The following RAB11A variants were observed in gnomAD, a reference collection of about 807,000 sequenced individuals.
RAB11A encodes the protein RAB11A, member RAS oncogene family.
Under a neutral mutation model 28.0 loss-of-function variants are expected in RAB11A, and 9 were observed. That is an observed-to-expected ratio of 0.32 (90% CI 0.19 to 0.56). The LOEUF (loss-of-function observed/expected upper bound fraction) is 0.56, where lower values mean the gene tolerates loss of function less well. RAB11A is among the 20% of genes least tolerant of loss of function. RAB11A has a pLI of 0.91. For synonymous variants in RAB11A, 85 were observed against 88.2 expected, an observed-to-expected ratio of 0.96 and a Z score of 0.20; for missense variants, 108 against 269.6, an observed-to-expected ratio of 0.40 and a Z score of 4.20.
Position 65,889,519 on chromosome 15 carries a change from G to A in RAB11A, c.*1679G>A, listed in dbSNP as rs1460756567. ...TTGGGTGCAGCCGTGGAATCCTGAT[G>A]TAAAAGCATAGGTTCTTGCATTACT... On this transcript the variant is annotated 3_prime_UTR_variant, in exon 5 of 5. Coordinates refer to ENST00000261890, the MANE Select transcript of RAB11A (RefSeq NM_004663.5). 2 of 152,122 alleles carry A rather than the reference G, an allele frequency of 1.3e-5. No individual in the cohort carries two copies. The highest frequency in any genetic ancestry group is 2.1e-4 in the South Asian group (1 of 4,828). 9.4% of individuals were successfully genotyped at this position (152,122 alleles called of 1,614,324 possible).
At position 65,889,144 on chromosome 15, in the gene RAB11A, A is replaced by G. The variant is rs566841592; in HGVS notation, c.*1304A>G. The G allele has an allele frequency of 1.3e-5, 2 of 152,780 alleles. No homozygotes were observed. The highest frequency in any genetic ancestry group is 4.8e-5 in the African/African-American group (2 of 41,580). The allele number at this position is 152,780 out of a possible 1,614,324, so 9.5% of individuals were successfully genotyped here. ...TGGAAGTTGTGTCAACTGCAGTGAT[A>G]CTATTCAGGATGGTGGGAAATCCCC... On this transcript the variant is annotated 3_prime_UTR_variant, in exon 5 of 5. Coordinates refer to ENST00000261890, the MANE Select transcript of RAB11A (RefSeq NM_004663.5).
At chr15:65,885,949 A>G in intron 4 of RAB11A, among the ~76,000 whole-genome samples, 1 of 152,268 alleles carries the variant, frequency 6.6e-6, no homozygotes, top group Non-Finnish European at 1.5e-5. Context: ...TGAACGGATC[A>G]GTGGACAGAA....
intron 4 of RAB11A, among the ~76,000 whole-genome samples, chr15:65,884,407 C>G (rs1160237017): frequency 6.6e-6 from 1 of 151,954 alleles, no homozygotes; most frequent in Non-Finnish European, 1.5e-5. Flanking sequence ...GTTTTAACTT[C>G]CTTATAAATT....
At chr15:65,872,464 C>A (rs866790364) in intron 1 of RAB11A, among the ~76,000 whole-genome samples, 4 of 130,916 alleles carry the variant, frequency 3.1e-5, no homozygotes, top group Non-Finnish European at 6.4e-5. Context: ...GATGGTATTT[C>A]GCTCTTGTTT....
chr15:65,873,865 C>T (rs935258044), intron 1 of RAB11A, among the ~76,000 whole-genome samples: 23 of 152,124 alleles, frequency 1.5e-4, no homozygotes, highest in Admixed American at 6.5e-5. Flanking sequence ...GCTGAGATTA[C>T]AGGCATGAGC....
chr15:65,871,917 C>T (rs1457785038), intron 1 of RAB11A, among the ~76,000 whole-genome samples: 5 of 118,662 alleles, frequency 4.2e-5, no homozygotes, highest in African/African-American at 1.6e-4. Context: ...GTGGTTTTGT[C>T]AGTTTTTTTT....
intron 4 of RAB11A, among the ~76,000 whole-genome samples, chr15:65,882,699 C>A (rs1399710023): frequency 6.6e-6 from 1 of 152,160 alleles, no homozygotes; most frequent in Admixed American, 6.5e-5. Context: ...TTGAAAGTGA[C>A]TCCATGAGAT....
At chr15:65,871,997 T>C (rs2078164411) in intron 1 of RAB11A, among the ~76,000 whole-genome samples, 1 of 125,110 alleles carries the variant, frequency 8.0e-6, no homozygotes, top group Non-Finnish European at 1.6e-5. Context: ...AGTGGCACAA[T>C]CAAGGCTCAC....
At position 65,877,221 on chromosome 15, in the gene RAB11A, A is replaced by C. The variant is rs753212980; in HGVS notation, c.41-111A>C. The C allele has an allele frequency of 2.1e-5, 19 of 897,052 alleles. No homozygotes were observed. Among genetic ancestry groups the C allele is most frequent in the Non-Finnish European group, 3.2e-5 (19 of 592,990 alleles). 55.6% of individuals were successfully genotyped at this position (897,052 alleles called of 1,614,324 possible). A position where few individuals can be genotyped will look rare whatever the true frequency, so the allele number is the denominator to read the frequency against. On this transcript the variant is annotated intron_variant, in intron 1 of 4. Coordinates refer to ENST00000261890, the MANE Select transcript of RAB11A (RefSeq NM_004663.5). This position sits in a 1 kb window ranked among gnomAD's most constrained non-coding sequence, Gnocchi z 4.1. The stretch of plus-strand genomic sequence containing the variant: ...TTCCTTTTTAAAAGTCATATACCTT[A>C]TTTTTCTTGCTTTATTTACTCTGAA...
At chr15:65,872,840 C>T (rs559771304) in intron 1 of RAB11A, among the ~76,000 whole-genome samples, 1 of 152,240 alleles carries the variant, frequency 6.6e-6, no homozygotes, top group East Asian at 1.9e-4. Context: ...TACAAGTATC[C>T]TACTTTAAAG....
Position 65,890,058 on chromosome 15 carries a change from ATTT to A in RAB11A, c.*2233_*2235del, listed in dbSNP as rs200136737. 2.8e-5 allele frequency: 4 copies of A among 142,416 alleles called. No individual in the cohort carries two copies. Among genetic ancestry groups the A allele is most frequent in the Non-Finnish European group, 3.1e-5 (2 of 64,824 alleles). The allele number at this position is 142,416 out of a possible 1,614,324, so 8.8% of individuals were successfully genotyped here. The stretch of plus-strand genomic sequence containing the variant: ...TGATTTTCAGTTATTTTAACTTTGA[ATTT>A]TTTTTTTTTTTTTTGAGACGGAGTC... On this transcript the variant is annotated 3_prime_UTR_variant, in exon 5 of 5. Coordinates refer to ENST00000261890, the MANE Select transcript of RAB11A (RefSeq NM_004663.5).
intron 1 of RAB11A, among the ~76,000 whole-genome samples, chr15:65,876,787 T>C (rs1052804009): frequency 3.3e-5 from 5 of 152,236 alleles, no homozygotes; most frequent in African/African-American, 4.8e-5. Context: ...ATGCCTCATA[T>C]GTTAAATGTT....
At position 65,887,682 on chromosome 15, in the gene RAB11A, G is replaced by T. The variant is rs2078263318; in HGVS notation, c.512-19G>T. ...TAGGTTTATTCACACTAAGTATTGT[G>T]GTTTCTTTTTTCCTTCAGAGATTTA... On this transcript the variant is annotated intron_variant, in intron 4 of 4. Transcript: ENST00000261890. 2.5e-6 allele frequency: 4 copies of T among 1,600,944 alleles called. No individual in the cohort carries two copies. The highest frequency in any genetic ancestry group is 3.4e-6 in the Non-Finnish European group (4 of 1,172,370).
chr15:65,889,902 A>G lies in RAB11A; in HGVS notation c.*2062A>G, dbSNP rs1243690524. On this transcript the variant is annotated 3_prime_UTR_variant, in exon 5 of 5. Coordinates refer to ENST00000261890, the MANE Select transcript of RAB11A (RefSeq NM_004663.5). ...GGTATTAGAAAATGACTTTGATTGC[A>G]TTTCAGCAGGTGTCTTTATTCTGAG... 1 of 152,178 alleles carries G rather than the reference A, an allele frequency of 6.6e-6. No individual in the cohort carries two copies. Among genetic ancestry groups the G allele is most frequent in the African/African-American group, 2.4e-5 (1 of 41,444 alleles). The allele number at this position is 152,178 out of a possible 1,614,324, so 9.4% of individuals were successfully genotyped here.
chr15:65,880,774 A>T (rs978002926), intron 4 of RAB11A, among the ~76,000 whole-genome samples: 10 of 152,030 alleles, frequency 6.6e-5, no homozygotes, highest in African/African-American at 2.4e-4. Flanking sequence ...AAGTTACCTA[A>T]CCCTTTTAGG....
intron 1 of RAB11A, among the ~76,000 whole-genome samples, chr15:65,872,175 C>CGA (rs973212439): frequency 1.9e-4 from 29 of 151,748 alleles, no homozygotes; most frequent in Non-Finnish European, 3.2e-4. Context: ...GCTGGTCTCG[C>CGA]ACTCCTGGAC....
intron 1 of RAB11A, among the ~76,000 whole-genome samples, chr15:65,870,715 G>C (rs1464735687): frequency 6.6e-6 from 1 of 152,202 alleles, no homozygotes; most frequent in East Asian, 1.9e-4. Flanking sequence ...TTCCCAAAAG[G>C]TTGGGGGTGG....
intron 1 of RAB11A, among the ~76,000 whole-genome samples, chr15:65,875,628 C>A (rs554734775): frequency 1.7e-4 from 26 of 152,334 alleles, no homozygotes; most frequent in African/African-American, 6.3e-4. Context: ...GCATTGGATT[C>A]ACTGCCTCCT....
intron 1 of RAB11A, among the ~76,000 whole-genome samples, chr15:65,870,772 A>G (rs1162788736): frequency 3.3e-5 from 5 of 152,116 alleles, no homozygotes; most frequent in Non-Finnish European, 7.3e-5. Flanking sequence ...TTATTATAAG[A>G]TACGGAAACA....
Sources: gnomAD v4.1 joint callset for allele counts (sites outside exome capture counted in the v4.1 genomes callset) on GRCh38, gnomAD v4.1.1 for gene constraint, Gnocchi (gnomAD v3.1) non-coding constraint, MANE v1.5 for transcripts, NCBI Gene and HGNC (gene_info 2026-07-23, HGNC 2026-07-21) for gene names.